The following ANK2 variants were observed in gnomAD, a reference collection of about 807,000 sequenced individuals.
ANK2 encodes ankyrin 2.
ANK2 carries 83 observed loss-of-function variants against 360.5 expected under a neutral mutation model. That is an observed-to-expected ratio of 0.23 (90% CI 0.19 to 0.28). The LOEUF is 0.28. Ranked by LOEUF, ANK2 falls within the 10% of genes least tolerant of loss-of-function variation. The pLI, the probability that ANK2 is intolerant of heterozygous loss-of-function variation, is 1.00. For synonymous variants in ANK2, 1,740 were observed against 1,759.5 expected, an observed-to-expected ratio of 0.99 and a Z score of 0.28; for missense variants, 4,201 against 4,795.7, an observed-to-expected ratio of 0.88 and a Z score of 3.66.
chr4:113,221,658 CA>C (rs60808406), intron 4 of ANK2, among the ~76,000 whole-genome samples: 338 of 127,448 alleles, frequency 2.7e-3, no homozygotes, highest in Admixed American at 2.8e-3. Flanking sequence ...GACTCCACTT[CA>C]AAAAAAAAAA....
chr4:113,297,233 A>G (rs1277362814), intron 22 of ANK2, among the ~76,000 whole-genome samples: 1 of 152,172 alleles, frequency 6.6e-6, no homozygotes, highest in Non-Finnish European at 1.5e-5. Context: ...GAATGTCCCC[A>G]AATCCACTGG....
At chr4:113,183,366 G>A (rs998930007) in intron 2 of ANK2, among the ~76,000 whole-genome samples, 3 of 152,128 alleles carry the variant, frequency 2.0e-5, no homozygotes, top group African/African-American at 7.2e-5. Context: ...AAAGTGAGTG[G>A]AGGTGGCATG....
chr4:113,133,345 G>T (rs1478866577), intron 1 of ANK2, among the ~76,000 whole-genome samples: 2 of 152,084 alleles, frequency 1.3e-5, no homozygotes, highest in African/African-American at 4.8e-5. Context: ...CTCTATACTC[G>T]ACTTTTTACA....
chr4:112,751,232 A>C, the ANK2 span, among the ~76,000 whole-genome samples: 1 of 152,154 alleles, frequency 6.6e-6, no homozygotes, highest in Admixed American at 6.5e-5. Context: ...CCAGGCTTGC[A>C]ATGTGAAGGA....
the ANK2 span, among the ~76,000 whole-genome samples, chr4:112,753,362 A>G: frequency 1.3e-5 from 2 of 152,312 alleles, no homozygotes; most frequent in South Asian, 4.1e-4. Context: ...ATCATTAGCA[A>G]TTTCATAATT....
At chr4:113,205,741 G>GT (rs1311832217) in intron 4 of ANK2, among the ~76,000 whole-genome samples, 1 of 152,128 alleles carries the variant, frequency 6.6e-6, no homozygotes, top group African/African-American at 2.4e-5. Flanking sequence ...GCTTCCAATA[G>GT]TTTTTTCTTC....
intron 1 of ANK2, among the ~76,000 whole-genome samples, chr4:113,156,718 A>G (rs890838837): frequency 2.0e-5 from 3 of 151,676 alleles, no homozygotes; most frequent in South Asian, 2.1e-4. Flanking sequence ...GTTAAGTTTG[A>G]CTAATGGGAT....
At chr4:112,867,212 G>T (rs2070937939) in intron 1 of ANK2, among the ~76,000 whole-genome samples, 1 of 150,190 alleles carries the variant, frequency 6.7e-6, no homozygotes, top group Non-Finnish European at 1.5e-5. Flanking sequence ...TTTCTACCTT[G>T]TGCTCTTATT....
intron 1 of ANK2, among the ~76,000 whole-genome samples, chr4:113,088,965 A>T (rs2086329833): frequency 6.6e-6 from 1 of 152,110 alleles, no homozygotes; most frequent in Admixed American, 6.5e-5. Context: ...AACATAACAA[A>T]CCACCCCAAC....
chr4:112,983,217 T>A (rs2043674824), intron 2 of ANK2, among the ~76,000 whole-genome samples: 1 of 152,188 alleles, frequency 6.6e-6, no homozygotes, highest in Non-Finnish European at 1.5e-5. Context: ...TTAACGTATT[T>A]CATTGCCTTC....
chr4:113,055,250 A>C (rs1206126306), intron 1 of ANK2, among the ~76,000 whole-genome samples: 5 of 152,090 alleles, frequency 3.3e-5, no homozygotes, highest in Admixed American at 1.3e-4. Flanking sequence ...AAAAATAAAA[A>C]ATTAGCCAGG....
intron 1 of ANK2, among the ~76,000 whole-genome samples, chr4:113,071,404 GA>G (rs773740842): frequency 5.9e-5 from 9 of 152,158 alleles, no homozygotes; most frequent in Middle Eastern, 6.3e-3. Flanking sequence ...TCTCTACTCA[GA>G]CCAAGAGATC....
chr4:113,125,812 G>A (rs983279027), intron 1 of ANK2, among the ~76,000 whole-genome samples: 4 of 152,084 alleles, frequency 2.6e-5, no homozygotes, highest in African/African-American at 7.2e-5. Context: ...AGACCTCCTT[G>A]GGTGATAGGA....
intron 2 of ANK2, among the ~76,000 whole-genome samples, chr4:113,042,089 AAAG>A (rs1262888540): frequency 6.6e-6 from 1 of 152,160 alleles, no homozygotes; most frequent in Non-Finnish European, 1.5e-5. Context: ...TCAACTGAGT[AAAG>A]AAGATTCACC....
At chr4:113,292,828 G>A (rs1296215393) in intron 21 of ANK2, among the ~76,000 whole-genome samples, 10 of 151,994 alleles carry the variant, frequency 6.6e-5, no homozygotes, top group East Asian at 1.9e-4. Context: ...ACCCCCCCTC[G>A]CCTTCTTAAG....
At chr4:113,234,421 A>C (rs896582942) in intron 5 of ANK2, among the ~76,000 whole-genome samples, 1 of 152,210 alleles carries the variant, frequency 6.6e-6, no homozygotes, top group African/African-American at 2.4e-5. Context: ...AATTAAAATT[A>C]CTTTTTTCCG....
chr4:112,849,669 C>G (rs1019687793), intron 1 of ANK2, among the ~76,000 whole-genome samples: 2 of 152,182 alleles, frequency 1.3e-5, no homozygotes, highest in Non-Finnish European at 2.9e-5. Context: ...CTAAATGTCT[C>G]TAAGATCTAT....
intron 4 of ANK2, among the ~76,000 whole-genome samples, chr4:113,218,530 A>G (rs1373126849): frequency 3.3e-5 from 5 of 152,026 alleles, no homozygotes; most frequent in Non-Finnish European, 7.4e-5. Flanking sequence ...TCCTGGGTGT[A>G]TATCTCAGGC....
At chr4:112,766,245 T>G in the ANK2 span, among the ~76,000 whole-genome samples, 1 of 151,624 alleles carries the variant, frequency 6.6e-6, no homozygotes, top group African/African-American at 2.4e-5. Flanking sequence ...GGCTTGAACC[T>G]GGGAGGCGGA....
Sources: allele counts gnomAD v4.1 joint callset (sites outside exome capture counted in the v4.1 genomes callset), GRCh38; gene constraint gnomAD v4.1.1; transcripts MANE v1.5; gene names NCBI Gene and HGNC (gene_info 2026-07-23, HGNC 2026-07-21).